Variants in ACLY observed in about 807,000 individuals in gnomAD.
The protein encoded by ACLY is ATP citrate lyase, also known as ATP-citrate synthase.
In ACLY, 41 loss-of-function variants were observed where a neutral mutation model predicts 133.0. The ratio of observed to expected loss-of-function variants is 0.31; its 90% confidence interval spans 0.24 to 0.40. ACLY has a LOEUF of 0.40. Ranked by LOEUF, ACLY falls within the 10% of genes least tolerant of loss-of-function variation. The pLI, the probability that ACLY is intolerant of heterozygous loss-of-function variation, is 1.00. For missense variants in ACLY, 1,046 were observed against 1,453.8 expected (o/e 0.72, Z 4.56); for synonymous variants, 495 against 549.3 (o/e 0.90, Z 1.38).
intron 13 of ACLY, among the ~76,000 whole-genome samples, chr17:41,897,159 A>G (rs2049391814): frequency 6.6e-6 from 1 of 152,194 alleles, no homozygotes; most frequent in African/African-American, 2.4e-5. Flanking sequence ...GCACAGGTAT[A>G]CCAGCCCAGG....
At chr17:41,916,960 T>C (rs1182085442) in intron 1 of ACLY, among the ~76,000 whole-genome samples, 1 of 151,436 alleles carries the variant, frequency 6.6e-6, no homozygotes, top group African/African-American at 2.4e-5. Flanking sequence ...CTGGCCAATA[T>C]GGTGAAACCC....
chr17:41,889,874 C>T (rs988066727), intron 16 of ACLY, among the ~76,000 whole-genome samples: 5 of 151,766 alleles, frequency 3.3e-5, no homozygotes, highest in African/African-American at 7.3e-5. Context: ...TTAGTAGAGG[C>T]GGTGGCCAGG....
intron 14 of ACLY, among the ~76,000 whole-genome samples, chr17:41,893,473 C>T (rs2049274453): frequency 3.9e-5 from 6 of 152,282 alleles, no homozygotes; most frequent in Non-Finnish European, 1.5e-5. Context: ...CAGGATAATT[C>T]CTATAGGACC....
At chr17:41,887,531 C>A in intron 17 of ACLY, 68 bp downstream of exon 17, 1 of 1,361,606 alleles carries the variant, frequency 7.3e-7, no homozygotes, top group East Asian at 2.3e-5. Flanking sequence ...AAAAAGTAAA[C>A]TTCCTAAGGG....
At chr17:41,901,003 G>A (rs546952058) in intron 11 of ACLY, among the ~76,000 whole-genome samples, 2 of 151,794 alleles carry the variant, frequency 1.3e-5, no homozygotes, top group South Asian at 2.1e-4. Flanking sequence ...CACCCAGGCT[G>A]GAGTGCAGTG....
At chr17:41,878,040 C>T in intron 22 of ACLY, 63 bp downstream of exon 22, 3 of 1,217,732 alleles carry the variant, frequency 2.5e-6, no homozygotes, top group Non-Finnish European at 3.3e-6. Context: ...CAACGCGAAA[C>T]CCACCACCAT....
intron 2 of ACLY, 99 bp downstream of exon 2, chr17:41,913,616 C>T (rs2049965718): frequency 6.7e-6 from 9 of 1,341,894 alleles, no homozygotes; most frequent in Non-Finnish European, 8.2e-6. Context: ...TGGCAGCCTC[C>T]AACCCCATGA....
rs192563870 is a variant in ACLY, at chr17:41,907,810, T to C, written c.617-238A>G. ...ACCTATAGGCAATGGGACATGGAGGTCTGTATTAGTTGCCATGGCAATTTT... is the reference window on the plus strand; with the variant it reads ...ACCTATAGGCAATGGGACATGGAGGCCTGTATTAGTTGCCATGGCAATTTT... On this transcript the variant is annotated intron_variant, in intron 6 of 28. Coordinates refer to ENST00000352035, the MANE Select transcript of ACLY (RefSeq NM_001096.3). 2.0e-5 allele frequency among the ~76,000 whole-genome samples: 3 copies of C among 151,990 alleles called. No homozygotes were observed. In the East Asian group the frequency reaches 5.8e-4, roughly 29 times the overall value.
chr17:41,921,141 A>T (rs1201603689), upstream of ACLY, among the ~76,000 whole-genome samples: 2 of 151,542 alleles, frequency 1.3e-5, no homozygotes, highest in African/African-American at 4.9e-5. Context: ...CAAAAAAAAA[A>T]AAAAAATTTA....
At position 41,872,726 on chromosome 17, in the gene ACLY, C is replaced by A. The variant is rs553701436; in HGVS notation, c.2643-544G>T. Among the ~76,000 whole-genome samples the A allele has an allele frequency of 2.6e-5, 4 of 152,286 alleles. No individual in the cohort carries two copies. In the East Asian group the frequency reaches 7.7e-4, roughly 29 times the overall value. On this transcript the variant is annotated intron_variant, in intron 23 of 28. Transcript: ENST00000352035. ...TGAGTTGCCTGTACCAGGATTTGAC[C>A]TGTATTTGTGGCTATGCTCCATGTG...
intron 10 of ACLY, 36 bp downstream of exon 10, chr17:41,904,693 T>G: frequency 6.2e-7 from 1 of 1,605,856 alleles, no homozygotes; most frequent in Non-Finnish European, 8.5e-7. Flanking sequence ...CCCAAACCAC[T>G]TTCCCCAGAA....
intron 20 of ACLY, among the ~76,000 whole-genome samples, chr17:41,880,772 A>G (rs2048891577): frequency 2.0e-5 from 3 of 152,044 alleles, no homozygotes; most frequent in Admixed American, 2.0e-4. Context: ...AGGCTGAAAC[A>G]GCAGAATGGC....
chr17:41,891,266 C>A (rs2049202516), intron 16 of ACLY, among the ~76,000 whole-genome samples: 1 of 152,090 alleles, frequency 6.6e-6, no homozygotes, highest in African/African-American at 2.4e-5. Flanking sequence ...TAGCCTCAAA[C>A]AATACCCCCG....
upstream of ACLY, among the ~76,000 whole-genome samples, chr17:41,923,505 T>A (rs575646133): frequency 2.6e-5 from 4 of 152,352 alleles, no homozygotes; most frequent in South Asian, 8.3e-4. Flanking sequence ...AGACTCCAAG[T>A]CCTTGGGCCT....
upstream of ACLY, among the ~76,000 whole-genome samples, chr17:41,922,370 C>CAAAAAAAAAAAAAA (rs1164362085): frequency 3.2e-5 from 1 of 30,932 alleles, no homozygotes. Flanking sequence ...CAGAGCGAGA[C>CAAAAAAAAAAAAAA]AAAAAAAAAA....
chr17:41,882,367 C>CAAAAAAA (rs34078258), intron 20 of ACLY, among the ~76,000 whole-genome samples: 1,101 of 40,244 alleles, frequency 0.027, 286 homozygotes, highest in African/African-American at 0.076. Flanking sequence ...ACCCTGTCTC[C>CAAAAAAA]AAAAAAAAAA....
chr17:41,870,931 G>C (rs1555624928), intron 25 of ACLY, among the ~76,000 whole-genome samples: 1 of 152,204 alleles, frequency 6.6e-6, no homozygotes, highest in Non-Finnish European at 1.5e-5. Flanking sequence ...CGGCACAGAT[G>C]GCAGAGAACA....
At chr17:41,917,331 T>C (rs2050077143) in intron 1 of ACLY, among the ~76,000 whole-genome samples, 3 of 152,080 alleles carry the variant, frequency 2.0e-5, no homozygotes, top group Admixed American at 2.0e-4. Flanking sequence ...CAGCTAAATG[T>C]GTAAACCATT....
rs1026088335 is a variant in ACLY, at chr17:41,913,843, C to T, written c.31G>A (p.Gly11Ser). The change falls in exon 2 of 29, where the codon GGC becomes AGC. Residue 11 changes from glycine (G) to serine (S), a missense_variant. Physicochemically the swap from Gly to Ser is moderately conservative, Grantham distance 56 (BLOSUM62 0). Around this residue, in one of 4 missense-constraint regions of ACLY, gnomAD observed 227 missense variants for 245.6 expected, o/e 0.92. Coordinates refer to ENST00000352035, the MANE Select transcript of ACLY (RefSeq NM_001096.3). ...ATGAACTTGTAAAGGAGTTCTTTGC[C>T]CGTCTGCTCTGAAATTGCCTTGGCC... The part of the protein sequence containing the change: MSAKAISEQT[G>S]KELLYKFICT... 2 of 1,614,228 alleles carry T rather than the reference C, an allele frequency of 1.2e-6. No homozygotes were observed. The highest frequency in any genetic ancestry group is 8.5e-7 in the Non-Finnish European group (1 of 1,180,044).
Sources: allele counts gnomAD v4.1 joint callset (sites outside exome capture counted in the v4.1 genomes callset), GRCh38; gene constraint gnomAD v4.1.1; regional missense constraint gnomAD v4.1.1; transcripts MANE v1.5; gene names NCBI Gene and HGNC (gene_info 2026-07-23, HGNC 2026-07-21).